BTRC: variants seen among roughly 807,000 people sequenced by gnomAD.
BTRC encodes the protein F-box/WD repeat-containing protein 1A.
Under a neutral mutation model 85.5 loss-of-function variants are expected in BTRC, and 42 were observed. The ratio of observed to expected loss-of-function variants is 0.49; its 90% CI spans 0.38 to 0.64. BTRC has a LOEUF of 0.64. BTRC is among the 30% of genes least tolerant of loss of function. The probability of loss-of-function intolerance (pLI) is 0.00; values close to 1 mark genes in which losing one functional copy is unlikely to be tolerated. For synonymous variants in BTRC, 255 were observed against 263.3 expected (o/e 0.97, Z 0.30); for missense variants, 594 against 743.5 (o/e 0.80, Z 2.34).
rs149229640 is a variant in BTRC, at chr10:101,388,330, TTTTTATTTTATTTTA to T, written c.48+34121_48+34135del. Among the ~76,000 whole-genome samples the T allele has an allele frequency of 3.6e-4, 53 of 148,290 alleles. 1 individual carries two copies. The South Asian group carries it at 0.011, about 30-fold the overall frequency. On this transcript the variant is annotated intron_variant, in intron 1 of 14. Transcript: ENST00000370187. ...GTAACACCACACCACACCCAGCTAA[TTTTTATTTTATTTTA>T]TTTTATTTTATTTTATTTATTTATT...
intron 1 of BTRC, among the ~76,000 whole-genome samples, chr10:101,413,310 AT>A (rs1943834387): frequency 6.8e-6 from 1 of 147,036 alleles, no homozygotes; most frequent in Non-Finnish European, 1.5e-5. Flanking sequence ...CGCCTGGCTA[AT>A]TTTTGTTTTG....
chr10:101,410,644 T>C (rs935649940), intron 1 of BTRC, among the ~76,000 whole-genome samples: 3 of 152,124 alleles, frequency 2.0e-5, no homozygotes, highest in Admixed American at 6.5e-5. Flanking sequence ...ACCCTTTTAA[T>C]GTGCTGTTGA....
intron 3 of BTRC, among the ~76,000 whole-genome samples, chr10:101,473,518 T>A (rs998160195): frequency 2.1e-5 from 3 of 143,526 alleles, no homozygotes; most frequent in Non-Finnish European, 4.5e-5. Flanking sequence ...TTGCCCAGGC[T>A]GGAGAACAGT....
At chr10:101,452,169 G>A (rs568958070) in intron 2 of BTRC, among the ~76,000 whole-genome samples, 4 of 152,288 alleles carry the variant, frequency 2.6e-5, no homozygotes, top group Non-Finnish European at 4.4e-5. Flanking sequence ...TACTCCAGAA[G>A]TAGAAATCTG....
intron 1 of BTRC, among the ~76,000 whole-genome samples, chr10:101,357,629 A>T (rs888978331): frequency 6.6e-6 from 1 of 152,116 alleles, no homozygotes; most frequent in African/African-American, 2.4e-5. Flanking sequence ...CATGATTTCC[A>T]TGGTTTAAAC....
rs373530849 is a variant in BTRC at position 101,542,232 on chromosome 10, A to G, written c.1656+3861A>G. On this transcript the variant is annotated intron_variant, in intron 13 of 14. Transcript: ENST00000370187. ...ATCATATTCCCTTATTATCCTTTTA[A>G]TGCCTGTTAGGAGCATAGTCCTGTT... Among the ~76,000 whole-genome samples the G allele has an allele frequency of 3.2e-4, 49 of 151,918 alleles. 1 individual carries two copies. The South Asian group carries it at 0.01, about 32-fold the overall frequency.
chr10:101,434,715 G>A (rs1187026269), intron 2 of BTRC, among the ~76,000 whole-genome samples: 1 of 151,848 alleles, frequency 6.6e-6, no homozygotes, highest in Admixed American at 6.6e-5. Flanking sequence ...GATTGCTTAA[G>A]CCCAGGAGTT....
At chr10:101,389,882 T>G (rs1294885146) in intron 1 of BTRC, among the ~76,000 whole-genome samples, 7 of 152,094 alleles carry the variant, frequency 4.6e-5, no homozygotes, top group African/African-American at 1.7e-4. Context: ...ACCTCAGCCT[T>G]CCAAAGTGTT....
intron 1 of BTRC, among the ~76,000 whole-genome samples, chr10:101,424,518 A>G (rs1944197035): frequency 6.6e-6 from 1 of 152,182 alleles, no homozygotes; most frequent in South Asian, 2.1e-4. Flanking sequence ...CAATCTTTTT[A>G]TTGTTGATTA....
At chr10:101,476,565 G>C (rs1945692906) in intron 3 of BTRC, among the ~76,000 whole-genome samples, 2 of 151,930 alleles carry the variant, frequency 1.3e-5, no homozygotes, top group Non-Finnish European at 2.9e-5. Flanking sequence ...TTCAACTCCA[G>C]GGCTCAGTCA....
chr10:101,540,237 C>CT (rs2062445818), intron 13 of BTRC, among the ~76,000 whole-genome samples: 1 of 152,122 alleles, frequency 6.6e-6, no homozygotes, highest in Admixed American at 6.6e-5. Flanking sequence ...GTTTTCTTCT[C>CT]TAAGTTTTAT....
At chr10:101,354,292 G>T in intron 1 of BTRC, 64 bp downstream of exon 1, 1 of 1,529,854 alleles carries the variant, frequency 6.5e-7, no homozygotes, top group Non-Finnish European at 8.8e-7. Flanking sequence ...CGCTGGCCTG[G>T]GCCGCCCGCC....
intron 2 of BTRC, among the ~76,000 whole-genome samples, chr10:101,440,128 A>G (rs1191518603): frequency 6.6e-6 from 1 of 152,364 alleles, no homozygotes; most frequent in East Asian, 1.9e-4. Context: ...GCTTATGCCA[A>G]ATGAATAGAA....
intron 4 of BTRC, among the ~76,000 whole-genome samples, chr10:101,500,315 C>G (rs530541594): frequency 2.8e-4 from 42 of 152,132 alleles, no homozygotes; most frequent in African/African-American, 9.9e-4. Flanking sequence ...GTTTGTGTAT[C>G]TAAACATTTC....
At chr10:101,362,622 C>T (rs1332012404) in intron 1 of BTRC, among the ~76,000 whole-genome samples, 5 of 151,644 alleles carry the variant, frequency 3.3e-5, no homozygotes, top group African/African-American at 7.3e-5. Context: ...CTTGAACTCC[C>T]GACCTTAGGT....
intron 4 of BTRC, among the ~76,000 whole-genome samples, chr10:101,480,525 A>G (rs1481272123): frequency 6.6e-6 from 1 of 152,230 alleles, no homozygotes; most frequent in Non-Finnish European, 1.5e-5. Context: ...CTCACATGAT[A>G]GAAGAGACTA....
intron 5 of BTRC, 99 bp downstream of exon 5, chr10:101,521,969 A>AT (rs2062112745): frequency 1.1e-5 from 4 of 379,226 alleles, no homozygotes; most frequent in Non-Finnish European, 1.5e-5. Flanking sequence ...TATTGGCTTG[A>AT]TTTTTACAAA....
chr10:101,518,695 C>T lies in BTRC; in HGVS notation c.325-2944C>T, dbSNP rs144101401. Among the ~76,000 whole-genome samples the T allele has an allele frequency of 6.9e-3, 1,056 of 152,286 alleles. 5 individuals carry two copies. Among genetic ancestry groups the T allele is most frequent in the Middle Eastern group, 0.02 (6 of 294 alleles). On this transcript the variant is annotated intron_variant, in intron 4 of 14. Transcript: ENST00000370187. ...CACTCTGTTCCAGCCACACCAGGCC[C>T]TCTTGTTCCTTGAACATCCCAGGCC...
chr10:101,431,070 C>CTTTTTTTTTTTTTT (rs748703752), intron 2 of BTRC, among the ~76,000 whole-genome samples: 11 of 71,292 alleles, frequency 1.5e-4, no homozygotes, highest in African/African-American at 6.3e-4. Context: ...CTCAGCCTTT[C>CTTTTTTTTTTTTTT]TTTTTTTTTT....
Sources: allele counts gnomAD v4.1 joint callset (sites outside exome capture counted in the v4.1 genomes callset), GRCh38; gene constraint gnomAD v4.1.1; transcripts MANE v1.5; gene names NCBI Gene and HGNC (gene_info 2026-07-23, HGNC 2026-07-21).